The following MARCHF5 variants were observed in gnomAD, a reference collection of about 807,000 sequenced individuals.
MARCHF5 encodes membrane associated ring-CH-type finger 5, also known as E3 ubiquitin-protein ligase MARCHF5.
Under a neutral mutation model 36.5 loss-of-function variants are expected in MARCHF5, and 5 were observed. That is an observed-to-expected ratio of 0.14 (90% CI 0.07 to 0.29). MARCHF5 has a LOEUF of 0.29. Ranked by LOEUF, MARCHF5 falls within the 10% of genes least tolerant of loss-of-function variation. MARCHF5 has a pLI of 1.00. For synonymous variants in MARCHF5, 103 were observed against 109.9 expected (o/e 0.94, Z 0.39); for missense variants, 179 against 336.3 (o/e 0.53, Z 3.66).
intron 3 of MARCHF5, among the ~76,000 whole-genome samples, chr10:92,347,906 G>C (rs569750892): frequency 1.3e-5 from 2 of 152,296 alleles, no homozygotes; most frequent in South Asian, 4.1e-4. Flanking sequence ...TCTGGGGCCG[G>C]GCGCAGTGGC....
At chr10:92,336,848 C>T (rs1015974076) in intron 2 of MARCHF5, among the ~76,000 whole-genome samples, 4 of 152,134 alleles carry the variant, frequency 2.6e-5, no homozygotes, top group African/African-American at 9.7e-5. Flanking sequence ...CTGGGATTGG[C>T]CCAGTGGCTC....
intron 3 of MARCHF5, among the ~76,000 whole-genome samples, chr10:92,342,604 GGTTT>G (rs369104581): frequency 4.6e-5 from 7 of 152,202 alleles, no homozygotes; most frequent in African/African-American, 1.7e-4. Context: ...GGACCTTCTT[GGTTT>G]ATCTGACTTC....
chr10:92,323,898 A>C (rs776432787), intron 2 of MARCHF5, among the ~76,000 whole-genome samples: 6 of 152,174 alleles, frequency 3.9e-5, no homozygotes, highest in Non-Finnish European at 7.3e-5. Context: ...TAAATTTTCA[A>C]CTCATTGGGG....
chr10:92,291,212 G>C lies in MARCHF5; in HGVS notation c.-283G>C, dbSNP rs1842850790. 2 of 517,178 alleles carry C rather than the reference G, an allele frequency of 3.9e-6. No individual in the cohort carries two copies. The highest frequency in any genetic ancestry group is 2.4e-5 in the South Asian group (1 of 41,186). 32.0% of individuals were successfully genotyped at this position (517,178 alleles called of 1,614,324 possible). ...CCGCCGGCAGCAACTCGGCGCCCGC[G>C]GTCCATGGACCGGAACCTCGGGCCG... On this transcript the variant is annotated 5_prime_UTR_variant, in exon 1 of 6. Transcript: ENST00000358935.
In MARCHF5 at chr10:92,318,721, G is replaced by A. The variant is rs375158530; in HGVS notation, c.238+7384G>A. Among the ~76,000 whole-genome samples the A allele has an allele frequency of 8.9e-4, 135 of 151,284 alleles. 1 individual carries two copies. In the South Asian group the frequency reaches 0.011, roughly 13 times the overall value. ...CAATCTTTTCTTTTTTTTCTAAGAT[G>A]GAATCTCACTCTTGTCTCCCAGGCT... is the stretch of plus-strand genomic sequence containing the variant. On this transcript the variant is annotated intron_variant, in intron 2 of 5. Transcript: ENST00000358935.
At chr10:92,303,681 TG>T (rs1224389187) in intron 1 of MARCHF5, among the ~76,000 whole-genome samples, 1 of 152,214 alleles carries the variant, frequency 6.6e-6, no homozygotes, top group Non-Finnish European at 1.5e-5. Flanking sequence ...AGGGCAATTT[TG>T]TCATGTATAT....
chr10:92,294,317 T>A (rs1842925285), intron 1 of MARCHF5, among the ~76,000 whole-genome samples: 1 of 152,206 alleles, frequency 6.6e-6, no homozygotes, highest in South Asian at 2.1e-4. Context: ...AGAACCCTAC[T>A]TCACAGGGCT....
At chr10:92,329,078 T>G (rs1843406791) in intron 2 of MARCHF5, among the ~76,000 whole-genome samples, 2 of 152,180 alleles carry the variant, frequency 1.3e-5, no homozygotes, top group African/African-American at 4.8e-5. Flanking sequence ...CTCTAATGTT[T>G]TCATTCTTTC....
intron 3 of MARCHF5, among the ~76,000 whole-genome samples, chr10:92,342,245 C>A (rs576220605): frequency 6.6e-6 from 1 of 151,860 alleles, no homozygotes; most frequent in Non-Finnish European, 1.5e-5. Flanking sequence ...TACTCCTGGG[C>A]TCAAACGATC....
chr10:92,291,562 C>T lies in MARCHF5; in HGVS notation c.35+33C>T, dbSNP rs201504455. 177 of 1,521,358 alleles carry T rather than the reference C, an allele frequency of 1.2e-4. No individual in the cohort carries two copies. The East Asian group carries it at 2.3e-3, about 20-fold the overall frequency. The allele number at this position is 1,521,358 out of a possible 1,614,324, so 94.2% of individuals were successfully genotyped here. On this transcript the variant is annotated intron_variant, in intron 1 of 5. Coordinates refer to ENST00000358935, the MANE Select transcript of MARCHF5 (RefSeq NM_017824.5). ...CAGCTGTGGGGGGGACCGGGAGCCGCCGACCCTCGCTCTGGCCCTGCCCGC... is the reference window on the plus strand; with the variant it reads ...CAGCTGTGGGGGGGACCGGGAGCCGTCGACCCTCGCTCTGGCCCTGCCCGC...
chr10:92,330,656 A>G (rs754503423), intron 2 of MARCHF5, among the ~76,000 whole-genome samples: 5 of 152,196 alleles, frequency 3.3e-5, no homozygotes, highest in African/African-American at 1.2e-4. Flanking sequence ...CTGTCCTATA[A>G]TGTTTAACAT....
At chr10:92,315,140 C>A (rs1247119401) in intron 2 of MARCHF5, among the ~76,000 whole-genome samples, 2 of 152,174 alleles carry the variant, frequency 1.3e-5, no homozygotes, top group African/African-American at 2.4e-5. Flanking sequence ...ATATCTTCTT[C>A]TAAAACTTTT....
rs187309984 is a variant in MARCHF5 at position 92,349,092 on chromosome 10, A to G, written c.370-257A>G. Among the ~76,000 whole-genome samples the G allele has an allele frequency of 1.2e-4, 18 of 152,306 alleles. 1 individual carries two copies. In the East Asian group the frequency reaches 2.9e-3, roughly 25 times the overall value. ...TCAGAGGTCCCCGCCCCTCTATTGT[A>G]ATGTAATCAGTCTGGGTCAGCCATT... On this transcript the variant is annotated intron_variant, in intron 3 of 5. Transcript: ENST00000358935.
Position 92,298,180 on chromosome 10 carries a change from A to C in MARCHF5, c.35+6651A>C, listed in dbSNP as rs189274712. On this transcript the variant is annotated intron_variant, in intron 1 of 5. Transcript: ENST00000358935. ...GCCACTGCACGATCTCTCTCTCTATATATGTATATGTATACTAAAGGTCAC... is the reference window on the plus strand; with the variant it reads ...GCCACTGCACGATCTCTCTCTCTATCTATGTATATGTATACTAAAGGTCAC... Among the ~76,000 whole-genome samples the C allele has an allele frequency of 4.1e-4, 56 of 137,788 alleles. No homozygotes were observed. In the East Asian group the frequency reaches 6.9e-3, roughly 17 times the overall value. 90.4% of individuals were successfully genotyped at this position (137,788 alleles called of 152,430 possible). A position where few individuals can be genotyped will look rare whatever the true frequency, so the allele number is the denominator to read the frequency against.
At chr10:92,349,214 C>T (rs1294815052) in intron 3 of MARCHF5, 135 bp from the exon 4 acceptor site, 3 of 674,186 alleles carry the variant, frequency 4.4e-6, no homozygotes, top group Non-Finnish European at 7.2e-6. Flanking sequence ...TGATAGCTTT[C>T]CAGCTTATTT....
chr10:92,310,958 A>T (rs192953786), intron 1 of MARCHF5, among the ~76,000 whole-genome samples, 177 bp from the exon 2 acceptor site: 33 of 152,362 alleles, frequency 2.2e-4, no homozygotes, highest in Admixed American at 6.5e-5. Context: ...AAACAGAAAA[A>T]GTAGAAACTG....
chr10:92,327,463 C>G (rs555696034), intron 2 of MARCHF5, among the ~76,000 whole-genome samples: 136 of 152,114 alleles, frequency 8.9e-4, no homozygotes, highest in Non-Finnish European at 1.2e-3. Context: ...ATAGACAGTA[C>G]TTTCATAAAC....
intron 2 of MARCHF5, among the ~76,000 whole-genome samples, chr10:92,312,284 A>G (rs1484576743): frequency 6.6e-6 from 1 of 152,250 alleles, no homozygotes; most frequent in African/African-American, 2.4e-5. Flanking sequence ...CTTTTCTAAT[A>G]TGAGAAGATT....
intron 3 of MARCHF5, 25 bp downstream of exon 3, chr10:92,340,828 A>C: frequency 6.4e-7 from 1 of 1,556,502 alleles, no homozygotes; most frequent in South Asian, 1.2e-5. Context: ...CTATATAGTG[A>C]TATTACTTGG....
Sources: gnomAD v4.1 joint callset for allele counts (sites outside exome capture counted in the v4.1 genomes callset) on GRCh38, gnomAD v4.1.1 for gene constraint, MANE v1.5 for transcripts, NCBI Gene and HGNC (gene_info 2026-07-23, HGNC 2026-07-21) for gene names.